PAFAH1B1: variants seen among roughly 807,000 people sequenced by gnomAD.
PAFAH1B1 encodes platelet-activating factor acetylhydrolase IB subunit beta.
Under a neutral mutation model 57.5 loss-of-function variants are expected in PAFAH1B1, and 2 were observed. The ratio of observed to expected loss-of-function variants is 0.03; its 90% confidence interval spans 0.01 to 0.11. The LOEUF is 0.11. PAFAH1B1 is among the 10% of genes least tolerant of loss of function. The pLI is 1.00. For missense variants in PAFAH1B1, 257 were observed against 512.0 expected (o/e 0.50, Z 4.81); for synonymous variants, 152 against 169.6 (o/e 0.90, Z 0.81).
chr17:2,597,011 A>C (rs546403495), intron 1 of PAFAH1B1, among the ~76,000 whole-genome samples: 24 of 152,284 alleles, frequency 1.6e-4, no homozygotes, highest in African/African-American at 5.1e-4. Context: ...CAGTGAGCCG[A>C]GATCGTGCCA....
At chr17:2,671,855 G>A (rs1029773564) in intron 6 of PAFAH1B1, among the ~76,000 whole-genome samples, 5 of 151,260 alleles carry the variant, frequency 3.3e-5, no homozygotes, top group African/African-American at 7.3e-5. Flanking sequence ...CGCCCGCCTC[G>A]GCCTCCCAAA....
Position 2,593,862 on chromosome 17 carries a change from CCCCGGGCCCGGGCCCAGCGCGCCA to C in PAFAH1B1, c.-334_-311del. ...CCGCCCGCTCCCCTCCCCTCCCCCTCCCCGGGCCCGGGCCCAGCGCGCCATCCTCCCCCCTCCTTCCCTCCCTCC... is the reference window on the plus strand; with the variant it reads ...CCGCCCGCTCCCCTCCCCTCCCCCTCTCCTCCCCCCTCCTTCCCTCCCTCC... On this transcript the variant is annotated 5_prime_UTR_variant, in exon 1 of 11. Transcript: ENST00000397195. 1 of 279,074 alleles carries C rather than the reference CCCCGGGCCCGGGCCCAGCGCGCCA, an allele frequency of 3.6e-6. No homozygotes were observed. Among genetic ancestry groups the C allele is most frequent in the Non-Finnish European group, 6.6e-6 (1 of 150,932 alleles). The allele number at this position is 279,074 out of a possible 1,614,324, so 17.3% of individuals were successfully genotyped here.
chr17:2,657,539 T>C (rs1031357284), intron 2 of PAFAH1B1, among the ~76,000 whole-genome samples: 2 of 152,232 alleles, frequency 1.3e-5, no homozygotes, highest in Non-Finnish European at 2.9e-5. Context: ...CTACCACGCC[T>C]GGCCAAGAAT....
intron 1 of PAFAH1B1, among the ~76,000 whole-genome samples, chr17:2,595,021 G>C (rs984584042): frequency 2.2e-4 from 34 of 152,128 alleles, no homozygotes; most frequent in Non-Finnish European, 4.0e-4. Context: ...AACTCCTTGG[G>C]AAGAGGGCAG....
rs765724473 is a variant in PAFAH1B1 at position 2,680,125 on chromosome 17, T to C, written c.1003-39T>C. The C allele has an allele frequency of 7.6e-6, 12 of 1,587,120 alleles. No individual in the cohort carries two copies. In the South Asian group the frequency reaches 1.3e-4, roughly 18 times the overall value. On this transcript the variant is annotated intron_variant, in intron 9 of 10. Transcript: ENST00000397195. ...ATGAAATAGATGCTATTTAAACATT[T>C]TGCCTTTTACTGAGTCAAATAACTT...
At chr17:2,622,599 C>A (rs1169560985) in intron 1 of PAFAH1B1, among the ~76,000 whole-genome samples, 1 of 152,202 alleles carries the variant, frequency 6.6e-6, no homozygotes, top group Non-Finnish European at 1.5e-5. Context: ...AGGGTACGGC[C>A]TCCCTCCTGT....
intron 8 of PAFAH1B1, among the ~76,000 whole-genome samples, chr17:2,675,372 C>T (rs1447830994): frequency 6.6e-6 from 1 of 152,168 alleles, no homozygotes; most frequent in Non-Finnish European, 1.5e-5. Context: ...ACAAAGGAGG[C>T]AGTTTCCTCT....
chr17:2,647,218 T>G (rs986780160), intron 2 of PAFAH1B1, among the ~76,000 whole-genome samples: 1 of 152,034 alleles, frequency 6.6e-6, no homozygotes, highest in South Asian at 2.1e-4. Flanking sequence ...GGCGTCGTGG[T>G]GCACACCTGT....
At chr17:2,670,500 GCTTT>G (rs2069167149) in intron 6 of PAFAH1B1, 169 bp downstream of exon 6, 3 of 643,662 alleles carry the variant, frequency 4.7e-6, no homozygotes, top group African/African-American at 1.8e-5. Context: ...AGTTGAGAGT[GCTTT>G]CTATTAGGAA....
chr17:2,626,168 C>A (rs142885405), intron 1 of PAFAH1B1, among the ~76,000 whole-genome samples: 5 of 151,842 alleles, frequency 3.3e-5, no homozygotes, highest in Non-Finnish European at 5.9e-5. Flanking sequence ...GCAAAACAAT[C>A]GCTTGAACCC....
chr17:2,652,521 A>T (rs2068876293), intron 2 of PAFAH1B1, among the ~76,000 whole-genome samples: 1 of 152,180 alleles, frequency 6.6e-6, no homozygotes, highest in African/African-American at 2.4e-5. Context: ...TAAAAAACTG[A>T]CTTTTGCAGT....
intron 2 of PAFAH1B1, among the ~76,000 whole-genome samples, chr17:2,653,211 A>T (rs563045950): frequency 6.6e-6 from 1 of 152,268 alleles, no homozygotes; most frequent in Middle Eastern, 3.4e-3. Flanking sequence ...ATAGGTGGGA[A>T]TTGAACAATG....
intron 10 of PAFAH1B1, 71 bp downstream of exon 10, chr17:2,680,391 G>T (rs2069363522): frequency 1.2e-5 from 16 of 1,375,360 alleles, no homozygotes; most frequent in Admixed American, 6.7e-5. Flanking sequence ...TTACATAATC[G>T]TGTGGACTTT....
chr17:2,637,937 G>T (rs2068644475), intron 1 of PAFAH1B1, among the ~76,000 whole-genome samples, 162 bp from the exon 2 acceptor site: 1 of 152,066 alleles, frequency 6.6e-6, no homozygotes, highest in Non-Finnish European at 1.5e-5. Flanking sequence ...AAACAGTATG[G>T]TTTTTGACAT....
At chr17:2,646,963 G>A (rs2068777165) in intron 2 of PAFAH1B1, among the ~76,000 whole-genome samples, 1 of 152,162 alleles carries the variant, frequency 6.6e-6, no homozygotes, top group African/African-American at 2.4e-5. Context: ...CAGGCATGGT[G>A]GCTCACACCT....
At chr17:2,599,703 C>G (rs931189332) in intron 1 of PAFAH1B1, among the ~76,000 whole-genome samples, 3 of 151,774 alleles carry the variant, frequency 2.0e-5, no homozygotes, top group African/African-American at 7.3e-5. Flanking sequence ...TCTGAGGGAA[C>G]AGGGTTACAC....
At chr17:2,673,329 G>A (rs1413843381) in intron 7 of PAFAH1B1, among the ~76,000 whole-genome samples, 3 of 152,032 alleles carry the variant, frequency 2.0e-5, no homozygotes, top group African/African-American at 4.8e-5. Context: ...ATCTCTCTGT[G>A]GGTTTAAATT....
chr17:2,625,301 A>G (rs2068475385), intron 1 of PAFAH1B1, among the ~76,000 whole-genome samples: 1 of 152,244 alleles, frequency 6.6e-6, no homozygotes, highest in South Asian at 2.1e-4. Flanking sequence ...CATATATGCA[A>G]GTAGCTTAAA....
chr17:2,664,989 A>G (rs1391441603), intron 2 of PAFAH1B1, among the ~76,000 whole-genome samples: 2 of 152,208 alleles, frequency 1.3e-5, no homozygotes, highest in Non-Finnish European at 2.9e-5. Flanking sequence ...GTGTATAACA[A>G]GTGGTAAAGA....
Sources: allele counts gnomAD v4.1 joint callset (sites outside exome capture counted in the v4.1 genomes callset), GRCh38; gene constraint gnomAD v4.1.1; transcripts MANE v1.5; gene names NCBI Gene and HGNC (gene_info 2026-07-23, HGNC 2026-07-21).